Variants in MIGA2 observed in about 807,000 individuals in gnomAD.
MIGA2 encodes family with sequence similarity 73, member B.
A neutral mutation model predicts 69.9 loss-of-function variants in MIGA2; 36 were observed. That is an observed-to-expected ratio of 0.52 (90% CI 0.39 to 0.68). The LOEUF is 0.68. Among genes scored for constraint, MIGA2 ranks in the 30% least tolerant of loss-of-function variants. The pLI, the probability that MIGA2 is intolerant of heterozygous loss-of-function variation, is 0.00. For missense variants in MIGA2, 660 were observed against 787.7 expected (o/e 0.84, Z 1.94); for synonymous variants, 333 against 349.2 (o/e 0.95, Z 0.52).
chr9:129,063,050 C>T (rs1846149091), intron 9 of MIGA2, 194 bp from the exon 10 acceptor site: 1 of 603,448 alleles, frequency 1.7e-6, no homozygotes. Context: ...ATCATCCAGG[C>T]AGCCTCGTCC....
chr9:129,040,719 G>A (rs762909221), intron 2 of MIGA2, 29 bp downstream of exon 2: 1 of 1,598,116 alleles, frequency 6.3e-7, no homozygotes, highest in Non-Finnish European at 8.6e-7. Context: ...TGTACCTCTG[G>A]TCTATGAAAC....
intron 3 of MIGA2, among the ~76,000 whole-genome samples, chr9:129,043,612 C>T (rs1845043178): frequency 6.6e-6 from 1 of 151,748 alleles, no homozygotes; most frequent in African/African-American, 2.4e-5. Flanking sequence ...CTCTCGAACT[C>T]CTGAGCTCAA....
chr9:129,065,409 G>A (rs971749580), intron 11 of MIGA2, among the ~76,000 whole-genome samples: 51 of 151,572 alleles, frequency 3.4e-4, no homozygotes, highest in African/African-American at 1.2e-3. Context: ...ACAGTGGTGC[G>A]ATCTCGACCC....
rs1032047921 is a variant in MIGA2 at position 129,060,780 on chromosome 9, C to T, written c.894+130C>T. ...TGATGGGAGAATTTGGATGCTCCCA[C>T]GGGCCTCCTCGAAGCTGTTGGGGAT... On this transcript the variant is annotated intron_variant, in intron 8 of 15. Coordinates refer to ENST00000684074, the MANE Select transcript of MIGA2 (RefSeq NM_001329990.2). This position sits in a 1 kb window ranked among gnomAD's most constrained non-coding sequence, Gnocchi z 4.8. 15 of 773,960 alleles carry T rather than the reference C, an allele frequency of 1.9e-5. No individual in the cohort carries two copies. The highest frequency in any genetic ancestry group is 1.4e-4 in the Admixed American group (5 of 37,026). 47.9% of individuals were successfully genotyped at this position (773,960 alleles called of 1,614,324 possible).
intron 1 of MIGA2, chr9:129,039,765 T>G: frequency 6.0e-6 from 1 of 165,514 alleles, no homozygotes. Flanking sequence ...TGTTTGAGAC[T>G]GAGTTTTGCT....
At chr9:129,042,073 C>A (rs571301623) in intron 2 of MIGA2, 117 of 566,706 alleles carry the variant, frequency 2.1e-4, no homozygotes, top group Non-Finnish European at 3.8e-4. Flanking sequence ...GGCCCCTAGA[C>A]CTCACCTTCT....
At chr9:129,053,983 C>G (rs1250074042) in intron 6 of MIGA2, among the ~76,000 whole-genome samples, 1 of 152,116 alleles carries the variant, frequency 6.6e-6, no homozygotes, top group Non-Finnish European at 1.5e-5. Flanking sequence ...TTCAAGGCTG[C>G]AGTGAGCTAT....
chr9:129,055,720 G>A (rs1224455988), intron 6 of MIGA2, among the ~76,000 whole-genome samples: 2 of 151,974 alleles, frequency 1.3e-5, no homozygotes, highest in East Asian at 3.9e-4. Context: ...GTAGTGGCGG[G>A]CACCTGTAGT....
At position 129,063,685 on chromosome 9, in the gene MIGA2, C is replaced by T. The variant is rs1205123668; in HGVS notation, c.1170+54C>T. On this transcript the variant is annotated intron_variant, in intron 11 of 15. Transcript: ENST00000684074. ...TTATAAAATGCAAACCACAGAGGGT[C>T]CCCCTGAACCCCACCTGCCAGAGGG... is the stretch of plus-strand genomic sequence containing the variant. 29 of 1,573,920 alleles carry T rather than the reference C, an allele frequency of 1.8e-5. 1 individual carries two copies. In the East Asian group the frequency reaches 6.3e-4, roughly 34 times the overall value.
At chr9:129,037,310 A>T (rs1844646160) in intron 1 of MIGA2, among the ~76,000 whole-genome samples, 1 of 152,060 alleles carries the variant, frequency 6.6e-6, no homozygotes, top group Non-Finnish European at 1.5e-5. Context: ...GCGTAGGATG[A>T]TATGCTTAGG....
rs1207848551 is a variant in MIGA2 at position 129,071,335 on chromosome 9, G to C, written c.*882G>C. 1 of 152,442 alleles carries C rather than the reference G, an allele frequency of 6.6e-6. No individual in the cohort carries two copies. The highest frequency in any genetic ancestry group is 1.5e-5 in the Non-Finnish European group (1 of 68,218). 9.4% of individuals were successfully genotyped at this position (152,442 alleles called of 1,614,324 possible). Reference sequence around the variant, plus strand: ...CTTCATTAGGACAAGAAACTGCCCAGCACTTTGCCTTCAGTTCAACGCACA... The same window carrying C: ...CTTCATTAGGACAAGAAACTGCCCACCACTTTGCCTTCAGTTCAACGCACA... On this transcript the variant is annotated 3_prime_UTR_variant, in exon 16 of 16. Coordinates refer to ENST00000684074, the MANE Select transcript of MIGA2 (RefSeq NM_001329990.2).
intron 3 of MIGA2, among the ~76,000 whole-genome samples, chr9:129,043,507 C>T (rs1845037232): frequency 6.6e-6 from 1 of 151,724 alleles, no homozygotes; most frequent in East Asian, 2.0e-4. Flanking sequence ...CTGCTTCAGC[C>T]TCTCGAAAAG....
intron 3 of MIGA2, among the ~76,000 whole-genome samples, chr9:129,047,764 C>T (rs2131353369): frequency 6.6e-6 from 1 of 152,048 alleles, no homozygotes; most frequent in East Asian, 1.9e-4. Context: ...GGGTCTCACT[C>T]TGCTTCCCAG....
rs1437657286 is a variant in MIGA2, at chr9:129,049,847, G to A, written c.559G>A (p.Ala187Thr). Residue 187 changes from alanine (A) to threonine (T), a missense_variant, in exon 6 of 16, where the codon GCT (alanine) becomes ACT (threonine). Ala to Thr is a moderately conservative substitution (Grantham distance 58). This residue lies in a region of MIGA2 where 386 missense variants were observed against 402.0 expected (regional missense o/e 0.96). Coordinates refer to ENST00000684074, the MANE Select transcript of MIGA2 (RefSeq NM_001329990.2). Reference sequence around the variant, plus strand: ...CTCAGGCATGGAGCTGTTTGAGGAAGCTCTGCAGAAGTGGGAGCAGGCACT... The same window carrying A: ...CTCAGGCATGGAGCTGTTTGAGGAAACTCTGCAGAAGTGGGAGCAGGCACT... ...YMQGMELFEE[A>T]LQKWEQALSV... 3 of 1,613,982 alleles carry A rather than the reference G, an allele frequency of 1.9e-6. No homozygotes were observed. Among genetic ancestry groups the A allele is most frequent in the Non-Finnish European group, 1.7e-6 (2 of 1,180,052 alleles).
At position 129,048,479 on chromosome 9, in the gene MIGA2, G is replaced by C. The variant is rs2131355082; in HGVS notation, c.360G>C (p.Leu120=). Residue 120 remains leucine, a synonymous_variant, in exon 4 of 16, where the codon CTG becomes CTC. Coordinates refer to ENST00000684074, the MANE Select transcript of MIGA2 (RefSeq NM_001329990.2). ...QSPSSKSNDT[L]SGISSIEPSK... Reference sequence around the variant, plus strand: ...CCAGCAGCAAGAGCAACGACACCCTGAGTGGCATCTCTTCCATTGAGCCCA... The same window carrying C: ...CCAGCAGCAAGAGCAACGACACCCTCAGTGGCATCTCTTCCATTGAGCCCA... 1 of 1,614,108 alleles carries C rather than the reference G, an allele frequency of 6.2e-7. No individual in the cohort carries two copies. Among genetic ancestry groups the C allele is most frequent in the Non-Finnish European group, 8.5e-7 (1 of 1,179,982 alleles).
chr9:129,037,476 T>C (rs1419090839), intron 1 of MIGA2, among the ~76,000 whole-genome samples: 5 of 152,092 alleles, frequency 3.3e-5, no homozygotes, highest in Non-Finnish European at 7.4e-5. Context: ...CCGTGGGCTT[T>C]TCATTGTGGA....
chr9:129,063,083 C>T, intron 9 of MIGA2, 161 bp from the exon 10 acceptor site: 2 of 675,464 alleles, frequency 3.0e-6, no homozygotes, highest in Non-Finnish European at 2.5e-6. Context: ...AGACCAAGGC[C>T]TCAAGGGAGG....
intron 1 of MIGA2, among the ~76,000 whole-genome samples, chr9:129,037,994 C>A (rs752907223): frequency 2.0e-5 from 3 of 152,160 alleles, no homozygotes; most frequent in Non-Finnish European, 2.9e-5. Context: ...AGAGCCTGTT[C>A]TGGATCTGGC....
At chr9:129,043,584 G>A (rs1048214173) in intron 3 of MIGA2, among the ~76,000 whole-genome samples, 1 of 150,992 alleles carries the variant, frequency 6.6e-6, no homozygotes, top group Non-Finnish European at 1.5e-5. Context: ...ACGGGATTTC[G>A]CCACGTTGGC....
Sources: allele counts gnomAD v4.1 joint callset (sites outside exome capture counted in the v4.1 genomes callset), GRCh38; gene constraint gnomAD v4.1.1; regional missense constraint gnomAD v4.1.1; non-coding constraint Gnocchi (gnomAD v3.1); transcripts MANE v1.5; gene names NCBI Gene and HGNC (gene_info 2026-07-23, HGNC 2026-07-21).